The following GNPAT variants were observed in gnomAD, a reference collection of about 807,000 sequenced individuals.
GNPAT encodes dihydroxyacetone phosphate acyltransferase.
GNPAT carries 30 observed loss-of-function variants against 78.4 expected under a neutral mutation model. The ratio of observed to expected loss-of-function variants is 0.38; its 90% CI spans 0.29 to 0.52. The LOEUF (loss-of-function observed/expected upper bound fraction) is 0.52, where lower values mean the gene tolerates loss of function less well. Among genes scored for constraint, GNPAT ranks in the 20% least tolerant of loss-of-function variants. The pLI is 0.84. For synonymous variants in GNPAT, 271 were observed against 281.1 expected (o/e 0.96, Z 0.36); for missense variants, 714 against 812.2 (o/e 0.88, Z 1.47).
chr1:231,262,181 C>T (rs947100973), intron 3 of GNPAT, among the ~76,000 whole-genome samples: 1 of 152,202 alleles, frequency 6.6e-6, no homozygotes, highest in Non-Finnish European at 1.5e-5. Flanking sequence ...AGAGAAATAC[C>T]ATTCTTCTCA....
rs201138311 is a variant in GNPAT at position 231,267,738 on chromosome 1, A to C, written c.1114A>C (p.Lys372Gln). 8 of 1,613,252 alleles carry C rather than the reference A, an allele frequency of 5.0e-6. No homozygotes were observed. Among genetic ancestry groups the C allele is most frequent in the Middle Eastern group, 1.6e-4 (1 of 6,084 alleles). Residue 372 changes from lysine (K) to glutamine (Q), a missense_variant, in exon 9 of 16, where the codon AAA becomes CAA. Coordinates refer to ENST00000366647, the MANE Select transcript of GNPAT (RefSeq NM_014236.4). Reference sequence around the variant, plus strand: ...TGCCTTTGTCACTGAAGTTGCCTACAAAATGGAGCTTCTGCAAATTGAAAA... The same window carrying C: ...TGCCTTTGTCACTGAAGTTGCCTACCAAATGGAGCTTCTGCAAATTGAAAA... ...MHAFVTEVAY[K>Q]MELLQIENMV...
At chr1:231,273,897 A>G (rs1685635682) in intron 11 of GNPAT, 25 bp from the exon 12 acceptor site, 3 of 1,606,438 alleles carry the variant, frequency 1.9e-6, no homozygotes, top group African/African-American at 2.7e-5. Context: ...CTAGATGAAC[A>G]TTATGGCTTC....
At chr1:231,248,071 AC>A (rs1684795519) in intron 1 of GNPAT, among the ~76,000 whole-genome samples, 1 of 152,152 alleles carries the variant, frequency 6.6e-6, no homozygotes, top group Non-Finnish European at 1.5e-5. Flanking sequence ...TGTACAGTTG[AC>A]CTTTGAACAA....
At chr1:231,273,847 AG>A in intron 11 of GNPAT, 74 bp from the exon 12 acceptor site, 1 of 1,155,902 alleles carries the variant, frequency 8.7e-7, no homozygotes, top group Non-Finnish European at 1.3e-6. Context: ...AACCTAGATG[AG>A]GGGGTACATG....
rs1016562265 is a variant in GNPAT at position 231,267,827 on chromosome 1, C to T, written c.1203C>T (p.Asp401=). 3.1e-6 allele frequency: 5 copies of T among 1,613,770 alleles called. No homozygotes were observed. Among genetic ancestry groups the T allele is most frequent in the Non-Finnish European group, 4.2e-6 (5 of 1,179,794 alleles). The change falls in exon 9 of 16, where the codon GAC becomes GAT. Residue 401 remains aspartate, a synonymous_variant. Coordinates refer to ENST00000366647, the MANE Select transcript of GNPAT (RefSeq NM_014236.4). ...AVLLQNRPSM[D]FDALVEKTLW... ...TGCTTCAGAACCGGCCATCCATGGACTTTGATGCTCTGGTGGAAAAGACTT... is the reference window on the plus strand; with the variant it reads ...TGCTTCAGAACCGGCCATCCATGGATTTTGATGCTCTGGTGGAAAAGACTT...
At chr1:231,258,221 G>C (rs1049529692) in intron 2 of GNPAT, 1 of 152,126 alleles carries the variant, frequency 6.6e-6, no homozygotes, top group African/African-American at 2.4e-5. Context: ...TTTCCTTCCA[G>C]ACTGACCAGG....
At position 231,277,576 on chromosome 1, in the gene GNPAT, G is replaced by C. The variant is rs759638860; in HGVS notation, c.*34G>C. The C allele has an allele frequency of 9.2e-6, 12 of 1,310,476 alleles. No homozygotes were observed. The highest frequency in any genetic ancestry group is 1.3e-5 in the Non-Finnish European group (12 of 902,642). The allele number at this position is 1,310,476 out of a possible 1,614,324, so 81.2% of individuals were successfully genotyped here. ...AAATAGTTATGGAAAATTCGGTCAC[G>C]TAATTACTCTCATCGAAGGACTCAT... On this transcript the variant is annotated 3_prime_UTR_variant, in exon 16 of 16. Transcript: ENST00000366647.
chr1:231,264,300 G>A (rs1263925047), intron 4 of GNPAT, among the ~76,000 whole-genome samples: 2 of 152,140 alleles, frequency 1.3e-5, no homozygotes, highest in Non-Finnish European at 2.9e-5. Flanking sequence ...CCAACTTCAT[G>A]TCTAACATTA....
At chr1:231,273,554 A>C (rs752281001) in intron 11 of GNPAT, among the ~76,000 whole-genome samples, 1 of 152,124 alleles carries the variant, frequency 6.6e-6, no homozygotes, top group South Asian at 2.1e-4. Flanking sequence ...CCCAGCCAGA[A>C]ATTTTTTAAC....
intron 9 of GNPAT, among the ~76,000 whole-genome samples, chr1:231,269,221 G>C (rs181452560): frequency 3.2e-4 from 48 of 151,994 alleles, no homozygotes; most frequent in Non-Finnish European, 6.6e-4. Context: ...ACCATACTCA[G>C]GAAGACTTCA....
intron 9 of GNPAT, 108 bp from the exon 10 acceptor site, chr1:231,270,650 C>T (rs1558337303): frequency 9.1e-7 from 1 of 1,101,476 alleles, no homozygotes; most frequent in East Asian, 2.4e-5. Context: ...AAACCTGTCA[C>T]TTGAAAATGA....
intron 1 of GNPAT, among the ~76,000 whole-genome samples, chr1:231,242,832 A>G (rs1353292765): frequency 6.6e-6 from 1 of 152,244 alleles, no homozygotes; most frequent in Non-Finnish European, 1.5e-5. Flanking sequence ...GTGAAAAACT[A>G]TGGCAGTTGT....
chr1:231,261,145 G>A (rs1227213129), intron 3 of GNPAT, among the ~76,000 whole-genome samples: 2 of 152,134 alleles, frequency 1.3e-5, no homozygotes, highest in Non-Finnish European at 1.5e-5. Flanking sequence ...ACAAATACTA[G>A]TAATACTGAC....
At chr1:231,241,696 C>T (rs1437293887) in intron 1 of GNPAT, among the ~76,000 whole-genome samples, 5 of 152,198 alleles carry the variant, frequency 3.3e-5, no homozygotes, top group Middle Eastern at 3.2e-3. Context: ...CCACTTTTTC[C>T]TTCTCTTTCT....
Position 231,270,856 on chromosome 1 carries a change from G to C in GNPAT, c.1378G>C (p.Gly460Arg). 6.2e-7 allele frequency: 1 copy of C among 1,614,094 alleles called. No homozygotes were observed. Among genetic ancestry groups the C allele is most frequent in the Non-Finnish European group, 8.5e-7 (1 of 1,179,980 alleles). The change falls in exon 10 of 16, where the codon GGA becomes CGA. Residue 460 changes from glycine (G) to arginine (R), a missense_variant. Transcript: ENST00000366647. The stretch of plus-strand genomic sequence containing the variant: ...CCAGGTGATTCTGAAAGTGGACTCC[G>C]GAGACTCGGAAGTGGTCGATGGGCT... The part of the protein sequence containing the change: ...KDQVILKVDS[G>R]DSEVVDGLML...
At chr1:231,261,805 T>C (rs545936795) in intron 3 of GNPAT, among the ~76,000 whole-genome samples, 2 of 152,372 alleles carry the variant, frequency 1.3e-5, no homozygotes, top group South Asian at 2.1e-4. Flanking sequence ...TATTTTTTTC[T>C]TCTAGGAAAG....
chr1:231,248,983 C>T (rs929289678), intron 1 of GNPAT, among the ~76,000 whole-genome samples: 5 of 152,180 alleles, frequency 3.3e-5, no homozygotes, highest in African/African-American at 1.2e-4. Flanking sequence ...ATGCATTTCT[C>T]AGAGTGTATC....
intron 2 of GNPAT, among the ~76,000 whole-genome samples, chr1:231,257,836 GCTAA>G (rs1267673509): frequency 6.6e-6 from 1 of 152,082 alleles, no homozygotes; most frequent in African/African-American, 2.4e-5. Flanking sequence ...AATCTGTATA[GCTAA>G]CTAATTCTTA....
At chr1:231,250,897 A>T in intron 1 of GNPAT, 64 bp from the exon 2 acceptor site, 1 of 1,014,828 alleles carries the variant, frequency 9.9e-7, no homozygotes, top group South Asian at 1.3e-5. Flanking sequence ...TTACCAATGT[A>T]GTCTTTAATC....
Sources: allele counts gnomAD v4.1 joint callset (sites outside exome capture counted in the v4.1 genomes callset), GRCh38; gene constraint gnomAD v4.1.1; transcripts MANE v1.5; gene names NCBI Gene and HGNC (gene_info 2026-07-23, HGNC 2026-07-21).